The following NYAP2 variants were observed in gnomAD, a reference collection of about 807,000 sequenced individuals.
NYAP2 encodes the protein neuronal tyrosine-phosphorylated phosphoinositide-3-kinase adapter 2.
A neutral mutation model predicts 50.4 loss-of-function variants in NYAP2; 23 were observed. That is an observed-to-expected ratio of 0.46 (90% CI 0.33 to 0.65). The LOEUF is 0.65. NYAP2 is among the 30% of genes least tolerant of loss of function. NYAP2 has a pLI of 0.02. For synonymous variants in NYAP2, 394 were observed against 365.2 expected, an observed-to-expected ratio of 1.08 and a Z score of -0.90; for missense variants, 885 against 861.0, an observed-to-expected ratio of 1.03 and a Z score of -0.35.
intron 3 of NYAP2, among the ~76,000 whole-genome samples, chr2:225,473,627 A>G (rs935642995): frequency 3.3e-5 from 5 of 152,166 alleles, no homozygotes; most frequent in Non-Finnish European, 5.9e-5. Flanking sequence ...GTGTCTGTTC[A>G]TATCCTTTGC....
At position 225,582,317 on chromosome 2, in the gene NYAP2, G is replaced by A. The variant is rs1051353353; in HGVS notation, c.900G>A (p.Thr300=). The A allele has an allele frequency of 4.7e-5, 76 of 1,613,856 alleles. No homozygotes were observed. The highest frequency in any genetic ancestry group is 1.6e-4 in the Middle Eastern group (1 of 6,084). ...GTTCTTCGCAGTGTGCTACTCCCAC[G>A]GTGCCTGACTTGGACTTCGCCAAGG... Residue 300 remains threonine (T), a synonymous_variant, in exon 5 of 7, where the codon ACG becomes ACA. Transcript: ENST00000636099. This position sits in a 1 kb window ranked among gnomAD's most constrained non-coding sequence, Gnocchi z 7.0.
intron 3 of NYAP2, among the ~76,000 whole-genome samples, chr2:225,475,146 A>G (rs1280986088): frequency 1.3e-5 from 2 of 152,242 alleles, no homozygotes; most frequent in African/African-American, 2.4e-5. Flanking sequence ...AAAGTCATAA[A>G]TGAAGCAAAC....
chr2:225,522,347 T>G (rs1238372151), intron 4 of NYAP2, among the ~76,000 whole-genome samples: 1 of 152,152 alleles, frequency 6.6e-6, no homozygotes, highest in Admixed American at 6.6e-5. Flanking sequence ...GAAATACTTT[T>G]GATTGGGATA....
chr2:225,496,456 A>T (rs1690508169), intron 3 of NYAP2, among the ~76,000 whole-genome samples: 1 of 152,178 alleles, frequency 6.6e-6, no homozygotes, highest in Non-Finnish European at 1.5e-5. Context: ...ATGGGTTGCA[A>T]TGAAAATATC....
intron 5 of NYAP2, among the ~76,000 whole-genome samples, chr2:225,604,716 T>G (rs958560119): frequency 2.6e-5 from 4 of 151,882 alleles, no homozygotes; most frequent in African/African-American, 9.7e-5. Context: ...TATATGTATA[T>G]TTTTTTCCCC....
chr2:225,598,182 G>C (rs1293034877), intron 5 of NYAP2, among the ~76,000 whole-genome samples: 1 of 152,132 alleles, frequency 6.6e-6, no homozygotes, highest in Non-Finnish European at 1.5e-5. Context: ...TGAGAACAAA[G>C]AGGCCATCTT....
the NYAP2 span, among the ~76,000 whole-genome samples, chr2:225,690,245 T>C: frequency 6.6e-6 from 1 of 152,274 alleles, no homozygotes; most frequent in East Asian, 1.9e-4. Context: ...TTATAACAGA[T>C]ACATGGGTCA....
intron 5 of NYAP2, among the ~76,000 whole-genome samples, chr2:225,611,865 G>GAT (rs1467711051): frequency 4.8e-5 from 7 of 145,066 alleles, no homozygotes; most frequent in African/African-American, 1.4e-4. Context: ...TATATAGAGA[G>GAT]AGATATATAT....
intron 5 of NYAP2, among the ~76,000 whole-genome samples, chr2:225,619,247 T>C (rs190422359): frequency 7.3e-4 from 111 of 152,358 alleles, no homozygotes; most frequent in Admixed American, 1.5e-3. Flanking sequence ...AGCAAATACA[T>C]GGCATGGCCA....
chr2:225,618,104 A>C (rs1198539510), intron 5 of NYAP2, among the ~76,000 whole-genome samples: 3 of 152,180 alleles, frequency 2.0e-5, no homozygotes. Context: ...GTTTTAATGT[A>C]ATACCCTGTT....
intron 4 of NYAP2, among the ~76,000 whole-genome samples, chr2:225,579,957 C>A (rs896697889): frequency 6.6e-6 from 1 of 152,182 alleles, no homozygotes; most frequent in Admixed American, 6.5e-5. Context: ...CAGGGACACA[C>A]ACTAATTTCT....
intron 4 of NYAP2, among the ~76,000 whole-genome samples, chr2:225,520,103 A>C (rs564564051): frequency 6.6e-6 from 1 of 152,140 alleles, no homozygotes; most frequent in African/African-American, 2.4e-5. Context: ...TCCTTCGCCC[A>C]CTTTTTGATG....
intron 3 of NYAP2, among the ~76,000 whole-genome samples, chr2:225,470,673 C>A (rs1238594814): frequency 6.6e-6 from 1 of 152,090 alleles, no homozygotes; most frequent in Non-Finnish European, 1.5e-5. Flanking sequence ...TGTGAATAGC[C>A]AACTCCTTAC....
At chr2:225,491,879 T>G (rs996099536) in intron 3 of NYAP2, among the ~76,000 whole-genome samples, 2 of 152,250 alleles carry the variant, frequency 1.3e-5, no homozygotes, top group African/African-American at 4.8e-5. Context: ...TACTGTAGTT[T>G]ATTTTCGTTA....
At chr2:225,637,215 C>T (rs906885486) in intron 6 of NYAP2, among the ~76,000 whole-genome samples, 1 of 152,126 alleles carries the variant, frequency 6.6e-6, no homozygotes, top group African/African-American at 2.4e-5. Flanking sequence ...TTGTGTTAAA[C>T]CATCATGTTT....
chr2:225,431,257 C>T (rs906444818), intron 3 of NYAP2, among the ~76,000 whole-genome samples: 1 of 152,208 alleles, frequency 6.6e-6, no homozygotes, highest in Non-Finnish European at 1.5e-5. Flanking sequence ...ATCACAGTTA[C>T]GTGATCTCCA....
chr2:225,658,801 T>C (rs1385853074), downstream of NYAP2, among the ~76,000 whole-genome samples: 3 of 152,262 alleles, frequency 2.0e-5, no homozygotes, highest in South Asian at 4.1e-4. Flanking sequence ...ATGTTGGAAT[T>C]ATTTCCTTTC....
chr2:225,600,079 A>T (rs574693476), intron 5 of NYAP2, among the ~76,000 whole-genome samples: 7 of 152,250 alleles, frequency 4.6e-5, no homozygotes, highest in African/African-American at 1.7e-4. Context: ...TTTTATTATT[A>T]CTCAGATCAG....
chr2:225,606,782 C>A (rs1043530878), intron 5 of NYAP2, among the ~76,000 whole-genome samples: 9 of 152,066 alleles, frequency 5.9e-5, no homozygotes, highest in African/African-American at 2.2e-4. Context: ...AAGCCAAATT[C>A]TCTTGAATAT....
Sources: allele counts gnomAD v4.1 joint callset (sites outside exome capture counted in the v4.1 genomes callset), GRCh38; gene constraint gnomAD v4.1.1; non-coding constraint Gnocchi (gnomAD v3.1); transcripts MANE v1.5; gene names NCBI Gene and HGNC (gene_info 2026-07-23, HGNC 2026-07-21).